The following EGFR variants were observed in gnomAD, a reference collection of about 807,000 sequenced individuals.
EGFR encodes the protein epidermal growth factor receptor.
EGFR carries 58 observed loss-of-function variants against 143.0 expected under a neutral mutation model. The ratio of observed to expected loss-of-function variants is 0.41; its 90% CI spans 0.33 to 0.50. EGFR has a LOEUF of 0.50. EGFR is among the 20% of genes least tolerant of loss of function. The pLI is 0.39. For missense variants in EGFR, 1,307 were observed against 1,579.0 expected (o/e 0.83, Z 2.92); for synonymous variants, 613 against 594.4 (o/e 1.03, Z -0.45).
At chr7:55,035,467 G>A (rs1236352273) in intron 1 of EGFR, among the ~76,000 whole-genome samples, 2 of 149,528 alleles carry the variant, frequency 1.3e-5, no homozygotes, top group Non-Finnish European at 3.0e-5. Context: ...GAGGTTGGGA[G>A]TTCAAGACCA....
rs574296031 is a variant in EGFR at position 55,205,653 on chromosome 7, TC to T, written c.*37del. 2.6e-5 allele frequency: 42 copies of T among 1,613,924 alleles called. No individual in the cohort carries two copies. In the East Asian group the frequency reaches 9.4e-4, roughly 36 times the overall value. The stretch of plus-strand genomic sequence containing the variant: ...TAGTATGAGCCCTAAAAATCCAGAC[TC>T]TTTCGATACCCAGGACCAAGCCACA... On this transcript the variant is annotated 3_prime_UTR_variant, in exon 28 of 28. Transcript: ENST00000275493.
intron 1 of EGFR, among the ~76,000 whole-genome samples, chr7:55,059,368 G>C (rs547126026): frequency 6.6e-6 from 1 of 152,066 alleles, no homozygotes; most frequent in African/African-American, 2.4e-5. Context: ...GTTCCAGCAC[G>C]GCCCCTGTTT....
rs201633016 is a variant in EGFR, at chr7:55,082,780, G to A, written c.89-59506G>A. Among the ~76,000 whole-genome samples the A allele has an allele frequency of 9.9e-5, 15 of 152,140 alleles. No individual in the cohort carries two copies. The East Asian group carries it at 2.9e-3, about 29-fold the overall frequency. On this transcript the variant is annotated intron_variant, in intron 1 of 27. Coordinates refer to ENST00000275493, the MANE Select transcript of EGFR (RefSeq NM_005228.5). ...CACCATCCTTGCCATGGCTTAAGAA[G>A]CTGCAGATTTATTTGCTTACAGCTC...
At chr7:55,037,995 C>T (rs1435381001) in intron 1 of EGFR, among the ~76,000 whole-genome samples, 1 of 152,174 alleles carries the variant, frequency 6.6e-6, no homozygotes, top group Non-Finnish European at 1.5e-5. Context: ...TGTTCCGGCG[C>T]CCAGTTAGTT....
intron 1 of EGFR, among the ~76,000 whole-genome samples, chr7:55,091,319 G>A (rs1389613563): frequency 6.6e-6 from 1 of 152,220 alleles, no homozygotes; most frequent in Non-Finnish European, 1.5e-5. Context: ...CTACTATGGG[G>A]TAAAAAGTGA....
At chr7:55,142,549 G>A in intron 2 of EGFR, 112 bp downstream of exon 2, 8 of 1,349,642 alleles carry the variant, frequency 5.9e-6, no homozygotes, top group Non-Finnish European at 7.3e-6. Flanking sequence ...GCAATGACAA[G>A]TCTTACAGAG....
intron 1 of EGFR, among the ~76,000 whole-genome samples, chr7:55,019,663 C>T (rs993572186): frequency 7.2e-5 from 11 of 152,120 alleles, no homozygotes; most frequent in Non-Finnish European, 1.6e-4. Context: ...CAACTTTCTT[C>T]CCTCACTTTC....
chr7:55,198,385 C>A (rs761667339), intron 22 of EGFR, among the ~76,000 whole-genome samples: 5 of 152,126 alleles, frequency 3.3e-5, no homozygotes, highest in Non-Finnish European at 5.9e-5. Context: ...GAGCATAATA[C>A]TTATGCTAGT....
chr7:55,073,799 A>G (rs1789976505), intron 1 of EGFR, among the ~76,000 whole-genome samples: 1 of 152,218 alleles, frequency 6.6e-6, no homozygotes, highest in Admixed American at 6.5e-5. Flanking sequence ...GAAAACAGAA[A>G]ACCAGCGTGC....
At chr7:55,144,679 C>T (rs969810764) in intron 3 of EGFR, among the ~76,000 whole-genome samples, 2 of 152,076 alleles carry the variant, frequency 1.3e-5, no homozygotes, top group African/African-American at 2.4e-5. Flanking sequence ...TTGTGCTGTG[C>T]GTGCCTCCTG....
chr7:55,098,707 C>T (rs1791627260), intron 1 of EGFR, among the ~76,000 whole-genome samples: 2 of 152,198 alleles, frequency 1.3e-5, no homozygotes, highest in Non-Finnish European at 2.9e-5. Flanking sequence ...AATAAAATAA[C>T]TAATTTGTCT....
rs754671343 is a variant in EGFR, at chr7:55,165,324, C to T, written c.1767C>T (p.Pro589=). 16 of 1,614,078 alleles carry T rather than the reference C, an allele frequency of 9.9e-6. No individual in the cohort carries two copies. In the East Asian group the frequency reaches 3.6e-4, roughly 36 times the overall value. The change falls in exon 15 of 28, where the codon CCC becomes CCT. Residue 589 remains proline, a synonymous_variant. Transcript: ENST00000275493. ...CIQCAHYIDG[P]HCVKTCPAGV... is the part of the protein sequence containing the mutation. ...AGTGTGCCCACTACATTGACGGCCC[C>T]CACTGCGTCAAGACCTGCCCGGCAG...
chr7:55,049,390 A>T lies in EGFR; in HGVS notation c.88+30025A>T, dbSNP rs184654765. Reference sequence around the variant, plus strand: ...ATTATTTCTCCTGAAGCACAAATCTATAGAGAACTCAGCTGCCAGTCTCTC... The same window carrying T: ...ATTATTTCTCCTGAAGCACAAATCTTTAGAGAACTCAGCTGCCAGTCTCTC... On this transcript the variant is annotated intron_variant, in intron 1 of 27. Coordinates refer to ENST00000275493, the MANE Select transcript of EGFR (RefSeq NM_005228.5). 4.6e-3 allele frequency among the ~76,000 whole-genome samples: 696 copies of T among 152,314 alleles called. 6 individuals carry two copies. Among genetic ancestry groups the T allele is most frequent in the African/African-American group, 0.016 (657 of 41,570 alleles).
chr7:55,136,108 T>G (rs908384647), intron 1 of EGFR, among the ~76,000 whole-genome samples: 1 of 152,296 alleles, frequency 6.6e-6, no homozygotes, highest in African/African-American at 2.4e-5. Flanking sequence ...TGTATACATG[T>G]TCACTTTGAG....
intron 1 of EGFR, among the ~76,000 whole-genome samples, chr7:55,137,920 C>T (rs779301876): frequency 6.6e-6 from 1 of 152,174 alleles, no homozygotes; most frequent in African/African-American, 2.4e-5. Flanking sequence ...TTTGTTAAAG[C>T]TCATCAAATG....
At chr7:55,115,219 C>T (rs1368226914) in intron 1 of EGFR, among the ~76,000 whole-genome samples, 1 of 152,102 alleles carries the variant, frequency 6.6e-6, no homozygotes, top group African/African-American at 2.4e-5. Context: ...TAAAATATCA[C>T]CAAGACTCTG....
intron 1 of EGFR, among the ~76,000 whole-genome samples, chr7:55,026,035 T>C (rs1364363491): frequency 6.6e-6 from 1 of 152,178 alleles, no homozygotes; most frequent in Non-Finnish European, 1.5e-5. Flanking sequence ...TTGACCATGC[T>C]TTCTAACCAG....
At chr7:55,042,136 T>C (rs1787933761) in intron 1 of EGFR, among the ~76,000 whole-genome samples, 1 of 152,208 alleles carries the variant, frequency 6.6e-6, no homozygotes, top group Admixed American at 6.5e-5. Context: ...ATAAAGTGAT[T>C]TTAAGTGCCT....
intron 1 of EGFR, among the ~76,000 whole-genome samples, chr7:55,107,973 C>T (rs1479817979): frequency 6.6e-6 from 1 of 152,156 alleles, no homozygotes; most frequent in African/African-American, 2.4e-5. Flanking sequence ...ATAAAAGAAC[C>T]ATCTTTTTTC....
Sources: gnomAD v4.1 joint callset for allele counts (sites outside exome capture counted in the v4.1 genomes callset) on GRCh38, gnomAD v4.1.1 for gene constraint, MANE v1.5 for transcripts, NCBI Gene and HGNC (gene_info 2026-07-23, HGNC 2026-07-21) for gene names.